Variants in RPS6KA5 observed in about 807,000 individuals in gnomAD.
RPS6KA5 encodes ribosomal protein S6 kinase alpha-5.
A neutral mutation model predicts 85.5 loss-of-function variants in RPS6KA5; 27 were observed. The ratio of observed to expected loss-of-function variants is 0.32; its 90% confidence interval spans 0.23 to 0.44. The LOEUF is 0.44. RPS6KA5 is among the 20% of genes least tolerant of loss of function. RPS6KA5 has a pLI of 1.00. For synonymous variants in RPS6KA5, 334 were observed against 348.2 expected (o/e 0.96, Z 0.46); for missense variants, 811 against 980.9 (o/e 0.83, Z 2.31).
chr14:90,889,294 CAA>C (rs11450327), intron 14 of RPS6KA5, among the ~76,000 whole-genome samples: 9,987 of 70,870 alleles, frequency 0.14, 315 homozygotes, highest in African/African-American at 0.27. Context: ...ACTTTGTCTC[CAA>C]AAAAAAAAAA....
intron 3 of RPS6KA5, among the ~76,000 whole-genome samples, chr14:90,971,347 G>A (rs1318023374): frequency 6.6e-6 from 1 of 152,146 alleles, no homozygotes; most frequent in East Asian, 1.9e-4. Context: ...ACCCTACCAT[G>A]CCTATTTATT....
intron 3 of RPS6KA5, among the ~76,000 whole-genome samples, chr14:90,951,180 T>C (rs1332020097): frequency 1.4e-5 from 2 of 148,062 alleles, no homozygotes; most frequent in African/African-American, 5.0e-5. Context: ...TACACCATAC[T>C]TTCAATATAA....
At position 90,848,525 on chromosome 14, in the gene RPS6KA5, G is replaced by A. The variant is rs907470424; in HGVS notation, c.*23549C>T. 6.6e-6 allele frequency: 1 copy of A among 152,122 alleles called. No homozygotes were observed. The highest frequency in any genetic ancestry group is 6.5e-5 in the Admixed American group (1 of 15,272). The allele number at this position is 152,122 out of a possible 1,614,324, so 9.4% of individuals were successfully genotyped here. On this transcript the variant is annotated 3_prime_UTR_variant, in exon 17 of 17. Coordinates refer to ENST00000614987, the MANE Select transcript of RPS6KA5 (RefSeq NM_004755.4). Reference sequence around the variant, plus strand: ...CAACCAAAAATATCATTCCCTCTGGGGGGAATTAATGCTAGATTAATGTGA... The same window carrying A: ...CAACCAAAAATATCATTCCCTCTGGAGGGAATTAATGCTAGATTAATGTGA...
intron 5 of RPS6KA5, among the ~76,000 whole-genome samples, chr14:90,923,712 A>AT (rs1222042804): frequency 7.3e-5 from 11 of 151,594 alleles, no homozygotes; most frequent in Non-Finnish European, 1.2e-4. Flanking sequence ...AAGAATAAAA[A>AT]TTTTTTTTTC....
In RPS6KA5 at chr14:90,906,081, A is replaced by G. The variant is rs1046534892; in HGVS notation, c.957+68T>C. 2.4e-5 allele frequency: 34 copies of G among 1,429,874 alleles called. No homozygotes were observed. In the African/African-American group the frequency reaches 4.2e-4, roughly 18 times the overall value. 88.6% of individuals were successfully genotyped at this position (1,429,874 alleles called of 1,614,324 possible). Reference sequence around the variant, plus strand: ...AAAGGGGACTGTGTTCACTAATTTCACCAAGAACGCCAAGGACCCTGAAAA... The same window carrying G: ...AAAGGGGACTGTGTTCACTAATTTCGCCAAGAACGCCAAGGACCCTGAAAA... On this transcript the variant is annotated intron_variant, in intron 8 of 16. Transcript: ENST00000614987.
chr14:91,053,722 C>G (rs2043191196), intron 1 of RPS6KA5, among the ~76,000 whole-genome samples: 1 of 152,154 alleles, frequency 6.6e-6, no homozygotes. Context: ...GGAAAGACAT[C>G]TCATGTTCAT....
rs1199179653 is a variant in RPS6KA5 at position 90,869,410 on chromosome 14, T to G, written c.*2664A>C. ...GAAGAAACTGGTCTTTCTTAACATC[T>G]TTCCTCTATTATCTTCCTTTTCTTA... On this transcript the variant is annotated 3_prime_UTR_variant, in exon 17 of 17. Transcript: ENST00000614987. The G allele has an allele frequency of 6.6e-6, 1 of 152,198 alleles. No homozygotes were observed. Among genetic ancestry groups the G allele is most frequent in the Non-Finnish European group, 1.5e-5 (1 of 68,038 alleles). The allele number at this position is 152,198 out of a possible 1,614,324, so 9.4% of individuals were successfully genotyped here. A position where few individuals can be genotyped will look rare whatever the true frequency, so the allele number is the denominator to read the frequency against.
intron 13 of RPS6KA5, chr14:90,893,929 T>C (rs886819106): frequency 3.9e-6 from 3 of 779,212 alleles, no homozygotes; most frequent in African/African-American, 3.8e-5. Flanking sequence ...GAAAAGCACA[T>C]AGAAAGACGG....
At chr14:91,014,859 T>C (rs570221877) in intron 1 of RPS6KA5, among the ~76,000 whole-genome samples, 8 of 152,312 alleles carry the variant, frequency 5.3e-5, no homozygotes, top group Admixed American at 5.2e-4. Flanking sequence ...TGCAGCTTTA[T>C]AGTTTATATT....
intron 1 of RPS6KA5, among the ~76,000 whole-genome samples, chr14:91,009,115 C>A (rs1415496466): frequency 6.6e-6 from 1 of 152,180 alleles, no homozygotes; most frequent in Non-Finnish European, 1.5e-5. Flanking sequence ...TTGGCCCCTG[C>A]TATGGTGTGA....
intron 7 of RPS6KA5, among the ~76,000 whole-genome samples, chr14:90,912,902 A>G (rs1413096635): frequency 3.0e-5 from 3 of 100,150 alleles, no homozygotes; most frequent in Non-Finnish European, 3.9e-5. Flanking sequence ...CACATAAAGC[A>G]TCTTTTTTTT....
intron 5 of RPS6KA5, among the ~76,000 whole-genome samples, chr14:90,929,403 A>C (rs1330462652): frequency 1.3e-5 from 2 of 152,104 alleles, no homozygotes; most frequent in East Asian, 3.8e-4. Context: ...TCAATCTATA[A>C]ATTTGTGCAC....
intron 14 of RPS6KA5, among the ~76,000 whole-genome samples, chr14:90,885,862 C>A (rs2034190525): frequency 6.8e-6 from 1 of 146,178 alleles, no homozygotes; most frequent in South Asian, 2.3e-4. Flanking sequence ...GGTGAAAAAA[C>A]TAACTTTCCA....
chr14:90,943,866 G>A (rs534989535), intron 4 of RPS6KA5, among the ~76,000 whole-genome samples: 173 of 152,146 alleles, frequency 1.1e-3, no homozygotes, highest in African/African-American at 4.0e-3. Context: ...TGTTGTTGTT[G>A]TTTTGAGATA....
intron 7 of RPS6KA5, among the ~76,000 whole-genome samples, chr14:90,915,502 A>G (rs373067024): frequency 3.5e-4 from 53 of 152,218 alleles, no homozygotes; most frequent in African/African-American, 1.2e-3. Flanking sequence ...TGTTCTATAC[A>G]GAAAGGCAAT....
At chr14:91,023,369 C>T (rs2041866470) in intron 1 of RPS6KA5, among the ~76,000 whole-genome samples, 3 of 151,854 alleles carry the variant, frequency 2.0e-5, no homozygotes, top group Admixed American at 2.0e-4. Flanking sequence ...TCACTGCAAC[C>T]TCTGCCTCCT....
At chr14:90,986,286 C>A (rs552377476) in intron 2 of RPS6KA5, among the ~76,000 whole-genome samples, 1 of 152,092 alleles carries the variant, frequency 6.6e-6, no homozygotes, top group African/African-American at 2.4e-5. Context: ...CTGTGTCATA[C>A]GAGAGAATTT....
chr14:91,031,347 A>G (rs895590465), intron 1 of RPS6KA5, among the ~76,000 whole-genome samples: 6 of 152,208 alleles, frequency 3.9e-5, no homozygotes, highest in African/African-American at 1.2e-4. Context: ...CTCCTATGCA[A>G]GCTTTCTCAG....
intron 5 of RPS6KA5, among the ~76,000 whole-genome samples, chr14:90,937,591 G>A (rs2037333510): frequency 6.6e-6 from 1 of 152,086 alleles, no homozygotes; most frequent in Non-Finnish European, 1.5e-5. Context: ...TCCGAGACTG[G>A]GAAATTCACA....
Sources: gnomAD v4.1 joint callset for allele counts (sites outside exome capture counted in the v4.1 genomes callset) on GRCh38, gnomAD v4.1.1 for gene constraint, MANE v1.5 for transcripts, NCBI Gene and HGNC (gene_info 2026-07-23, HGNC 2026-07-21) for gene names.